TENM2: variants seen among roughly 807,000 people sequenced by gnomAD.
TENM2 encodes the protein teneurin transmembrane protein 2.
In TENM2, 52 loss-of-function variants were observed where a neutral mutation model predicts 245.2. The ratio of observed to expected loss-of-function variants is 0.21; its 90% CI spans 0.17 to 0.27. The LOEUF (loss-of-function observed/expected upper bound fraction) is 0.27. TENM2 is among the 10% of genes least tolerant of loss of function. The pLI is 1.00. For missense variants in TENM2, 3,046 were observed against 3,666.8 expected (o/e 0.83, Z 4.37); for synonymous variants, 1,363 against 1,438.9 (o/e 0.95, Z 1.19).
At chr5:167,896,123 C>T (rs961741348) in intron 3 of TENM2, among the ~76,000 whole-genome samples, 6 of 152,332 alleles carry the variant, frequency 3.9e-5, no homozygotes, top group Admixed American at 3.3e-4. Context: ...CATGGCACAT[C>T]GCGGCCCTCC....
At chr5:167,558,729 A>T (rs531900668) in intron 2 of TENM2, among the ~76,000 whole-genome samples, 7 of 152,292 alleles carry the variant, frequency 4.6e-5, no homozygotes, top group Non-Finnish European at 1.0e-4. Flanking sequence ...TGAGTATGTA[A>T]TAATAATAGA....
At chr5:167,659,647 G>A (rs1017084960) in intron 2 of TENM2, among the ~76,000 whole-genome samples, 5 of 152,056 alleles carry the variant, frequency 3.3e-5, no homozygotes, top group African/African-American at 7.2e-5. Context: ...CCACAGCATC[G>A]TCCTTTGATG....
At chr5:167,777,994 G>A (rs539326259) in intron 2 of TENM2, among the ~76,000 whole-genome samples, 3 of 152,280 alleles carry the variant, frequency 2.0e-5, no homozygotes, top group South Asian at 2.1e-4. Flanking sequence ...TCATTTCTTG[G>A]CTGGTCCTGG....
chr5:167,018,824 A>G, the TENM2 span, among the ~76,000 whole-genome samples: 642 of 152,362 alleles, frequency 4.2e-3, 7 homozygotes, highest in African/African-American at 0.014. Flanking sequence ...AAGCGGATCT[A>G]TCCTGAAAAG....
At chr5:167,988,390 T>A (rs1215627378) in intron 4 of TENM2, among the ~76,000 whole-genome samples, 1 of 152,190 alleles carries the variant, frequency 6.6e-6, no homozygotes, top group African/African-American at 2.4e-5. Flanking sequence ...AATTCAGTTC[T>A]AACGATGGGG....
rs1795504657 is a variant in TENM2, at chr5:168,122,020, C to G, written c.2009-2830C>G. Among the ~76,000 whole-genome samples the G allele has an allele frequency of 2.0e-5, 3 of 152,194 alleles. No individual in the cohort carries two copies. In the South Asian group the frequency reaches 6.2e-4, roughly 32 times the overall value. The stretch of plus-strand genomic sequence containing the variant: ...GCACAATTTCTGCTTCCTATCGGTC[C>G]TTTCTCTACACAGGAAGTGTGTCCC... On this transcript the variant is annotated intron_variant, in intron 10 of 28. Transcript: ENST00000518659.
intron 3 of TENM2, among the ~76,000 whole-genome samples, chr5:167,925,704 T>G (rs1777702767): frequency 6.6e-6 from 1 of 152,200 alleles, no homozygotes; most frequent in South Asian, 2.1e-4. Context: ...GGAATCAACC[T>G]AAATGCCCAT....
At chr5:167,661,576 A>G (rs1236315680) in intron 2 of TENM2, among the ~76,000 whole-genome samples, 2 of 152,342 alleles carry the variant, frequency 1.3e-5, no homozygotes, top group African/African-American at 2.4e-5. Context: ...TTCACAAACT[A>G]TACATCTTAT....
exon 14 of TENM2, chr5:168,190,409 G>A (rs774219567): frequency 6.2e-7 from 1 of 1,613,836 alleles, no homozygotes; most frequent in Non-Finnish European, 8.5e-7. Context: ...CTCTGCCGGG[G>A]GTCCCGGGAC....
At chr5:167,968,279 G>A (rs558466114) in intron 4 of TENM2, among the ~76,000 whole-genome samples, 21 of 152,234 alleles carry the variant, frequency 1.4e-4, no homozygotes, top group Non-Finnish European at 2.8e-4. Context: ...ATGGCAAAGC[G>A]CTGCACAAAG....
intron 2 of TENM2, among the ~76,000 whole-genome samples, chr5:167,454,102 G>A (rs909755289): frequency 4.6e-5 from 7 of 151,890 alleles, no homozygotes; most frequent in Admixed American, 3.9e-4. Context: ...CATATTATGG[G>A]GTCACAGGAG....
At chr5:167,704,597 T>C (rs1469891995) in intron 2 of TENM2, among the ~76,000 whole-genome samples, 1 of 151,978 alleles carries the variant, frequency 6.6e-6, no homozygotes, top group African/African-American at 2.4e-5. Context: ...AGTACAGAAA[T>C]AGCAATGAAG....
chr5:168,247,114 T>C lies in TENM2; in HGVS notation c.6175T>C (p.Phe2059Leu), dbSNP rs1361308147. ...GATGGTCAACCTCCAAAGTGGGGGC[T>C]TCTCCTGCACCATCAGGTACCGGAA... Residue 2059 changes from phenylalanine (F) to leucine (L), a missense_variant, in exon 27 of 29, where the codon TTC (phenylalanine) becomes CTC (leucine). Transcript: ENST00000518659. This position sits in a 1 kb window ranked among gnomAD's most constrained non-coding sequence, Gnocchi z 7.8. 1 of 1,613,910 alleles carries C rather than the reference T, an allele frequency of 6.2e-7. No individual in the cohort carries two copies. The highest frequency in any genetic ancestry group is 1.7e-5 in the Admixed American group (1 of 60,012).
At chr5:167,577,830 G>A (rs377706654) in intron 2 of TENM2, among the ~76,000 whole-genome samples, 2 of 152,102 alleles carry the variant, frequency 1.3e-5, no homozygotes, top group South Asian at 2.1e-4. Flanking sequence ...AGAATCTGAC[G>A]AAGATGCAAA....
chr5:167,490,328 T>A (rs1768348694), intron 2 of TENM2, among the ~76,000 whole-genome samples: 1 of 152,174 alleles, frequency 6.6e-6, no homozygotes, highest in Admixed American at 6.5e-5. Flanking sequence ...GAGTCTTCCT[T>A]ATTTTTAACA....
intron 2 of TENM2, among the ~76,000 whole-genome samples, chr5:167,574,409 A>T (rs1774499855): frequency 6.6e-6 from 1 of 152,078 alleles, no homozygotes; most frequent in Non-Finnish European, 1.5e-5. Flanking sequence ...GCCATTTGAA[A>T]TTTTTCTTCT....
the TENM2 span, among the ~76,000 whole-genome samples, chr5:167,193,963 A>T: frequency 6.6e-6 from 1 of 151,972 alleles, no homozygotes; most frequent in East Asian, 1.9e-4. Context: ...AGAGTCTCAA[A>T]GGCGAGGCAC....
intron 2 of TENM2, among the ~76,000 whole-genome samples, chr5:167,390,267 G>C (rs1432900564): frequency 6.6e-6 from 1 of 152,118 alleles, no homozygotes; most frequent in Non-Finnish European, 1.5e-5. Context: ...GAGTAGAGTG[G>C]GGAATTTCTT....
In TENM2 at chr5:167,928,691, C is replaced by T. The variant is rs1033445441; in HGVS notation, c.713-23897C>T. Among the ~76,000 whole-genome samples, 7 of 151,680 alleles carry T rather than the reference C, an allele frequency of 4.6e-5. No homozygotes were observed. In the South Asian group the frequency reaches 1.0e-3, roughly 23 times the overall value. ...GGTGGATCACTTGAGGTCAGGAGTT[C>T]GAGACCAGCCTGGCAAACGTGGTGA... On this transcript the variant is annotated intron_variant, in intron 3 of 28. Transcript: ENST00000518659.
Sources: gnomAD v4.1 joint callset for allele counts (sites outside exome capture counted in the v4.1 genomes callset) on GRCh38, gnomAD v4.1.1 for gene constraint, Gnocchi (gnomAD v3.1) non-coding constraint, MANE v1.5 for transcripts, NCBI Gene and HGNC (gene_info 2026-07-23, HGNC 2026-07-21) for gene names.